PIK3C2G: variants seen among roughly 807,000 people sequenced by gnomAD.
PIK3C2G encodes the protein phosphatidylinositol-4-phosphate 3-kinase catalytic subunit type 2 gamma.
A neutral mutation model predicts 181.1 loss-of-function variants in PIK3C2G; 168 were observed. The observed-to-expected ratio is 0.93, with a 90% CI of 0.82 to 1.05. The LOEUF is 1.05. PIK3C2G is among the 50% of genes least tolerant of loss of function. The pLI is 0.00. For synonymous variants in PIK3C2G, 573 were observed against 592.2 expected (o/e 0.97, Z 0.47); for missense variants, 1,869 against 1,732.8 (o/e 1.08, Z -1.40).
At chr12:18,396,959 T>C (rs1285095519) in intron 15 of PIK3C2G, among the ~76,000 whole-genome samples, 2 of 151,760 alleles carry the variant, frequency 1.3e-5, no homozygotes, top group African/African-American at 2.4e-5. Flanking sequence ...GAGCCTAGAA[T>C]AGTCAAAGCA....
At chr12:18,465,498 A>G (rs1937765000) in intron 18 of PIK3C2G, among the ~76,000 whole-genome samples, 1 of 151,824 alleles carries the variant, frequency 6.6e-6, no homozygotes, top group Non-Finnish European at 1.5e-5. Context: ...GTGTTGTTGC[A>G]AACTCTGGCC....
At chr12:18,705,068 T>C in the PIK3C2G span, 1 of 1,461,778 alleles carries the variant, frequency 6.8e-7, no homozygotes, top group Non-Finnish European at 9.6e-7. Context: ...AACTAAGCAT[T>C]TTCATTGGTC....
intron 11 of PIK3C2G, among the ~76,000 whole-genome samples, chr12:18,350,125 T>C (rs1940085189): frequency 6.6e-6 from 1 of 152,108 alleles, no homozygotes; most frequent in African/African-American, 2.4e-5. Context: ...GGTACAAAGC[T>C]AAGTGCCTGA....
chr12:18,533,025 G>A (rs138333719), intron 24 of PIK3C2G, among the ~76,000 whole-genome samples: 1 of 151,588 alleles, frequency 6.6e-6, no homozygotes, highest in East Asian at 2.0e-4. Flanking sequence ...CCTCCATGTT[G>A]TTACTTGAGT....
At chr12:18,719,252 G>A in the PIK3C2G span, among the ~76,000 whole-genome samples, 2 of 152,118 alleles carry the variant, frequency 1.3e-5, no homozygotes, top group Non-Finnish European at 2.9e-5. Context: ...AAATTACGTT[G>A]CCACTTCATC....
the PIK3C2G span, among the ~76,000 whole-genome samples, chr12:18,665,509 A>G: frequency 6.6e-6 from 1 of 152,190 alleles, no homozygotes; most frequent in East Asian, 1.9e-4. Context: ...AACAATAATT[A>G]TGGCCAGGTG....
the PIK3C2G span, chr12:18,688,268 T>C: frequency 1.9e-6 from 3 of 1,540,296 alleles, no homozygotes; most frequent in East Asian, 6.8e-5. Context: ...TTAAGTTACA[T>C]CACCATTTAT....
intron 17 of PIK3C2G, among the ~76,000 whole-genome samples, chr12:18,421,935 G>T (rs1945510364): frequency 6.6e-6 from 1 of 152,012 alleles, no homozygotes; most frequent in African/African-American, 2.4e-5. Flanking sequence ...AAGAGAGCTG[G>T]TTTAGAAATA....
At chr12:18,413,072 T>C (rs56170403) in intron 16 of PIK3C2G, among the ~76,000 whole-genome samples, 32,237 of 152,126 alleles carry the variant, frequency 0.21, 3,635 homozygotes, top group Admixed American at 0.34. Context: ...TTCTTTTTAT[T>C]AACCCTTACA....
At chr12:18,543,466 A>T (rs922850968) in intron 25 of PIK3C2G, among the ~76,000 whole-genome samples, 6 of 151,936 alleles carry the variant, frequency 3.9e-5, no homozygotes, top group African/African-American at 1.4e-4. Context: ...ATCTTTGCCC[A>T]TTCCTATGTC....
chr12:18,716,009 A>G, the PIK3C2G span, among the ~76,000 whole-genome samples: 1 of 152,220 alleles, frequency 6.6e-6, no homozygotes, highest in Non-Finnish European at 1.5e-5. Flanking sequence ...AAATTCGGCT[A>G]CATTTGTAGA....
chr12:18,361,182 A>T (rs1941209595), intron 11 of PIK3C2G, among the ~76,000 whole-genome samples: 1 of 152,048 alleles, frequency 6.6e-6, no homozygotes, highest in African/African-American at 2.4e-5. Flanking sequence ...CTGCTTTATC[A>T]ATTCTGCTTC....
At chr12:18,445,709 T>C (rs906598076) in intron 18 of PIK3C2G, among the ~76,000 whole-genome samples, 14 of 152,146 alleles carry the variant, frequency 9.2e-5, no homozygotes, top group Admixed American at 6.5e-4. Flanking sequence ...AAAGATTTTG[T>C]TATACTCATC....
intron 18 of PIK3C2G, among the ~76,000 whole-genome samples, chr12:18,469,462 A>G (rs1168029414): frequency 6.6e-6 from 1 of 152,108 alleles, no homozygotes; most frequent in Admixed American, 6.6e-5. Flanking sequence ...TAAAACTATG[A>G]CCTTTTCAAA....
At chr12:18,677,541 T>C in the PIK3C2G span, among the ~76,000 whole-genome samples, 1 of 152,034 alleles carries the variant, frequency 6.6e-6, no homozygotes, top group African/African-American at 2.4e-5. Flanking sequence ...TCTTAAAATG[T>C]CCCCTATGCT....
In PIK3C2G at chr12:18,473,290, ATTG is replaced by A. The variant is rs1403654396; in HGVS notation, c.2505-15150_2505-15148del. Among the ~76,000 whole-genome samples, 5 of 152,254 alleles carry A rather than the reference ATTG, an allele frequency of 3.3e-5. No homozygotes were observed. In the East Asian group the frequency reaches 9.6e-4, roughly 29 times the overall value. ...TTATGTTTGTAGGTTTGTTTTTGTT[ATTG>A]TTGTTGTTTAATTTCACATGCTTGG... On this transcript the variant is annotated intron_variant, in intron 18 of 32. Coordinates refer to ENST00000538779, the MANE Select transcript of PIK3C2G (RefSeq NM_001288772.2).
At chr12:18,683,208 T>C in the PIK3C2G span, 8 of 1,578,530 alleles carry the variant, frequency 5.1e-6, no homozygotes, top group Admixed American at 1.7e-5. Context: ...TTGCGATGCA[T>C]AGCTAATGAT....
intron 26 of PIK3C2G, among the ~76,000 whole-genome samples, chr12:18,548,242 G>A (rs1944540008): frequency 6.6e-6 from 1 of 152,002 alleles, no homozygotes; most frequent in African/African-American, 2.4e-5. Flanking sequence ...CAAAGGAGGA[G>A]CATGGAGAAA....
chr12:18,497,622 G>A lies in PIK3C2G; in HGVS notation c.2890G>A (p.Gly964Arg). 2 of 1,611,762 alleles carry A rather than the reference G, an allele frequency of 1.2e-6. No individual in the cohort carries two copies. The highest frequency in any genetic ancestry group is 8.5e-7 in the Non-Finnish European group (1 of 1,178,650). ...TCTATAATTTTGTTTTTAACAGGCT[G>A]GAGATGATCTTCGTCAGGATATGCT... is the stretch of plus-strand genomic sequence containing the variant. The part of the protein sequence containing the change: ...GKNISIIFKA[G>R]DDLRQDMLVL... Residue 964 changes from glycine (G) to arginine (R), a missense_variant, in exon 22 of 33, where the codon GGA (glycine) becomes AGA (arginine). Transcript: ENST00000538779.
Sources: gnomAD v4.1 joint callset for allele counts (sites outside exome capture counted in the v4.1 genomes callset) on GRCh38, gnomAD v4.1.1 for gene constraint, MANE v1.5 for transcripts, NCBI Gene and HGNC (gene_info 2026-07-23, HGNC 2026-07-21) for gene names.